Variants in NIBAN2 observed in about 807,000 individuals in gnomAD.
NIBAN2 encodes the protein niban apoptosis regulator 2, also known as protein Niban 2.
NIBAN2 carries 36 observed loss-of-function variants against 81.8 expected under a neutral mutation model. The ratio of observed to expected loss-of-function variants is 0.44; its 90% CI spans 0.34 to 0.58. The LOEUF (loss-of-function observed/expected upper bound fraction) is 0.58, where lower values mean the gene tolerates loss of function less well. Ranked by LOEUF, NIBAN2 falls within the 20% of genes least tolerant of loss-of-function variation. The pLI, the probability that NIBAN2 is intolerant of heterozygous loss-of-function variation, is 0.02. For synonymous variants in NIBAN2, 445 were observed against 441.6 expected (o/e 1.01, Z -0.10); for missense variants, 897 against 1,014.1 (o/e 0.88, Z 1.57).
At position 127,545,358 on chromosome 9, in the gene NIBAN2, C is replaced by T. The variant is rs1482094734; in HGVS notation, c.56-13580G>A. Among the ~76,000 whole-genome samples the T allele has an allele frequency of 1.3e-5, 2 of 152,208 alleles. No homozygotes were observed. The highest frequency in any genetic ancestry group is 2.9e-5 in the Non-Finnish European group (2 of 68,034). The stretch of plus-strand genomic sequence containing the variant: ...CACAGTTAATGCCTCATCTGAGACG[C>T]TCCCCGGACTGAGACTGCTCTCCGC... On this transcript the variant is annotated intron_variant, in intron 1 of 13. Coordinates refer to ENST00000373312, the MANE Select transcript of NIBAN2 (RefSeq NM_022833.4). This position sits in a 1 kb window ranked among gnomAD's most constrained non-coding sequence, Gnocchi z 4.7.
At chr9:127,525,766 T>A (rs1837051135) in intron 3 of NIBAN2, among the ~76,000 whole-genome samples, 1 of 152,196 alleles carries the variant, frequency 6.6e-6, no homozygotes. Context: ...CACCCCCAAC[T>A]TCACACAGTT....
intron 1 of NIBAN2, among the ~76,000 whole-genome samples, chr9:127,542,464 T>G (rs1325454462): frequency 6.6e-6 from 1 of 152,084 alleles, no homozygotes. Flanking sequence ...AGGCCAGAAG[T>G]GCCAATCTCA....
chr9:127,543,671 A>T (rs1010708052), intron 1 of NIBAN2, among the ~76,000 whole-genome samples: 2 of 152,064 alleles, frequency 1.3e-5, no homozygotes, highest in African/African-American at 4.8e-5. Context: ...TCTCGCCTCC[A>T]TTACACATTT....
chr9:127,510,067 A>T, intron 9 of NIBAN2, 79 bp downstream of exon 9: 2 of 1,342,964 alleles, frequency 1.5e-6, no homozygotes, highest in East Asian at 4.8e-5. Flanking sequence ...GGCTGCCCGG[A>T]GTCACGCAGC....
Position 127,507,122 on chromosome 9 carries a change from C to CCT in NIBAN2, c.1962_1963dup (p.Gly655GlufsTer99), listed in dbSNP as rs1836617773. ...AGGCCGCAGACCTTGGGCCAGCAGG[C>CCT]CTCGGATCTCAGTGACACCGTCCGG... is the stretch of plus-strand genomic sequence containing the variant. On this transcript the variant is annotated frameshift_variant, in exon 14 of 14. Coordinates refer to ENST00000373312, the MANE Select transcript of NIBAN2 (RefSeq NM_022833.4). LOFTEE classifies it high-confidence loss of function. This position sits in a 1 kb window ranked among gnomAD's most constrained non-coding sequence, Gnocchi z 6.8. 4 of 1,593,050 alleles carry CCT rather than the reference C, an allele frequency of 2.5e-6. No homozygotes were observed. The East Asian group carries it at 9.1e-5, about 36-fold the overall frequency.
intron 1 of NIBAN2, among the ~76,000 whole-genome samples, chr9:127,537,278 G>GA (rs1301400673): frequency 2.0e-5 from 3 of 152,232 alleles, no homozygotes; most frequent in African/African-American, 7.2e-5. Flanking sequence ...CCCGAGCTCT[G>GA]AGCTCTGCAG....
At chr9:127,557,313 A>T (rs1381238541) in intron 1 of NIBAN2, among the ~76,000 whole-genome samples, 2 of 152,188 alleles carry the variant, frequency 1.3e-5, no homozygotes, top group African/African-American at 4.8e-5. Context: ...AGGTCACTCT[A>T]CTACCAGAGG....
chr9:127,527,088 G>T, intron 3 of NIBAN2, 106 bp downstream of exon 3: 1 of 1,418,076 alleles, frequency 7.1e-7, no homozygotes, highest in Non-Finnish European at 9.8e-7. Context: ...GTGACCGCGT[G>T]CAGGCTGTGA....
intron 1 of NIBAN2, among the ~76,000 whole-genome samples, chr9:127,556,456 GCATTCATTCATTCATTCATT>G: frequency 6.6e-6 from 1 of 151,200 alleles, no homozygotes; most frequent in Non-Finnish European, 1.5e-5. Context: ...CCTTGCAATG[GCATTCATTCATTCATTCATT>G]CATTCATTCA....
chr9:127,561,293 T>C (rs1837769937), intron 1 of NIBAN2: 1 of 985,542 alleles, frequency 1.0e-6, no homozygotes, highest in Non-Finnish European at 1.2e-6. Flanking sequence ...GAGTGGGTCA[T>C]GTCAACTTCC....
chr9:127,523,522 G>A (rs1837000316), intron 5 of NIBAN2, among the ~76,000 whole-genome samples, 157 bp downstream of exon 5: 1 of 151,960 alleles, frequency 6.6e-6, no homozygotes, highest in African/African-American at 2.4e-5. Flanking sequence ...AAGACTAAGG[G>A]TGGTATTACA....
intron 5 of NIBAN2, among the ~76,000 whole-genome samples, chr9:127,520,883 C>T (rs1241122592): frequency 6.6e-6 from 1 of 151,072 alleles, no homozygotes; most frequent in East Asian, 2.0e-4. Context: ...GCCTCTGTCT[C>T]AAAAAAGAAG....
At position 127,568,869 on chromosome 9, in the gene NIBAN2, C is replaced by A. The variant is rs1174865551; in HGVS notation, c.6G>T (p.Gly2=). Reference sequence around the variant, plus strand: ...CGTCCAGGTGCGTGGACAGCACGTCCCCCATGGCCAGGAGGTGTCGCGGCC... The same window carrying A: ...CGTCCAGGTGCGTGGACAGCACGTCACCCATGGCCAGGAGGTGTCGCGGCC... M[G]DVLSTHLDDA... The change falls in exon 1 of 14, where the codon GGG becomes GGT. Residue 2 remains glycine (G), a synonymous_variant. Transcript: ENST00000373312. 7.4e-7 allele frequency: 1 copy of A among 1,355,510 alleles called. No individual in the cohort carries two copies. The highest frequency in any genetic ancestry group is 9.5e-7 in the Non-Finnish European group (1 of 1,048,702). 84.0% of individuals were successfully genotyped at this position (1,355,510 alleles called of 1,614,324 possible).
At chr9:127,523,235 AT>A (rs1836993720) in intron 5 of NIBAN2, among the ~76,000 whole-genome samples, 2 of 95,490 alleles carry the variant, frequency 2.1e-5, no homozygotes, top group Non-Finnish European at 4.1e-5. Context: ...ATATATATAT[AT>A]ATATATATAT....
chr9:127,556,076 G>A (rs1044014555), intron 1 of NIBAN2, among the ~76,000 whole-genome samples: 65 of 152,110 alleles, frequency 4.3e-4, no homozygotes, highest in African/African-American at 1.5e-3. Flanking sequence ...AGAAGCTGCA[G>A]AAGGGCCAGG....
At chr9:127,518,331 G>A (rs1268232778) in intron 5 of NIBAN2, among the ~76,000 whole-genome samples, 4 of 152,284 alleles carry the variant, frequency 2.6e-5, no homozygotes, top group East Asian at 1.9e-4. Context: ...AAAAGCTCCC[G>A]TCCCATAAGC....
chr9:127,513,906 G>A (rs1836778435), intron 8 of NIBAN2, among the ~76,000 whole-genome samples: 2 of 152,136 alleles, frequency 1.3e-5, no homozygotes, highest in African/African-American at 2.4e-5. Flanking sequence ...GAATGAATAA[G>A]CCCTAGTATT....
chr9:127,510,642 G>T (rs1005792471), intron 8 of NIBAN2, among the ~76,000 whole-genome samples: 2 of 152,088 alleles, frequency 1.3e-5, no homozygotes, highest in Admixed American at 6.6e-5. Flanking sequence ...TCACCATGTT[G>T]GTCAGGCTGG....
chr9:127,514,067 G>C (rs1234049531), intron 8 of NIBAN2, among the ~76,000 whole-genome samples: 2 of 152,152 alleles, frequency 1.3e-5, no homozygotes, highest in Admixed American at 6.5e-5. Flanking sequence ...TCAGGAGTTT[G>C]AGACCAGCCT....
Sources: allele counts gnomAD v4.1 joint callset (sites outside exome capture counted in the v4.1 genomes callset), GRCh38; gene constraint gnomAD v4.1.1; non-coding constraint Gnocchi (gnomAD v3.1); transcripts MANE v1.5; gene names NCBI Gene and HGNC (gene_info 2026-07-23, HGNC 2026-07-21).